The following OXCT1 variants were observed in gnomAD, a reference collection of about 807,000 sequenced individuals.
OXCT1 encodes the protein succinyl-CoA:3-ketoacid coenzyme A transferase 1, mitochondrial.
OXCT1 carries 27 observed loss-of-function variants against 69.6 expected under a neutral mutation model. The ratio of observed to expected loss-of-function variants is 0.39; its 90% CI spans 0.29 to 0.54. OXCT1 has a LOEUF of 0.54. Ranked by LOEUF, OXCT1 falls within the 20% of genes least tolerant of loss-of-function variation. The pLI is 0.72. For missense variants in OXCT1, 437 were observed against 650.2 expected (o/e 0.67, Z 3.57); for synonymous variants, 202 against 217.8 (o/e 0.93, Z 0.64).
Position 41,833,808 on chromosome 5 carries a change from C to T in OXCT1, c.732+6643G>A, listed in dbSNP as rs541299096. Among the ~76,000 whole-genome samples the T allele has an allele frequency of 5.9e-5, 9 of 151,924 alleles. No homozygotes were observed. In the South Asian group the frequency reaches 1.7e-3, roughly 28 times the overall value. On this transcript the variant is annotated intron_variant, in intron 7 of 16. Transcript: ENST00000196371. ...GATGCAGTGGCTCATGCCTGTAATC[C>T]CTGCACTTTTGGGAGGCCGAGGTGG...
intron 4 of OXCT1, among the ~76,000 whole-genome samples, chr5:41,853,098 T>C (rs2112448787): frequency 6.6e-6 from 1 of 152,204 alleles, no homozygotes; most frequent in Middle Eastern, 3.4e-3. Context: ...TAAATTCCTA[T>C]AAATTAACTT....
At chr5:41,739,214 A>C (rs1743036857) in intron 16 of OXCT1, among the ~76,000 whole-genome samples, 176 bp downstream of exon 16, 1 of 152,154 alleles carries the variant, frequency 6.6e-6, no homozygotes, top group African/African-American at 2.4e-5. Context: ...AGTGAGTCAG[A>C]GCACAGCTCT....
chr5:41,784,774 G>C (rs531786057), intron 13 of OXCT1, among the ~76,000 whole-genome samples: 1 of 152,188 alleles, frequency 6.6e-6, no homozygotes, highest in Non-Finnish European at 1.5e-5. Context: ...AGTGACATGT[G>C]CTTAATAATT....
intron 5 of OXCT1, among the ~76,000 whole-genome samples, chr5:41,847,810 C>T (rs1452606043): frequency 6.6e-6 from 1 of 150,876 alleles, no homozygotes; most frequent in Non-Finnish European, 1.5e-5. Flanking sequence ...ATGACAAACC[C>T]ACAGCCAATA....
At chr5:41,800,111 A>G (rs780637742) in intron 11 of OXCT1, among the ~76,000 whole-genome samples, 6 of 152,126 alleles carry the variant, frequency 3.9e-5, no homozygotes, top group Non-Finnish European at 7.4e-5. Flanking sequence ...AAGATGGCCA[A>G]AAGACCTGAC....
chr5:41,785,135 T>C (rs1437975452), intron 13 of OXCT1, among the ~76,000 whole-genome samples: 2 of 152,208 alleles, frequency 1.3e-5, no homozygotes, highest in East Asian at 1.9e-4. Context: ...AAAAAATGCA[T>C]GCCCATTTGT....
intron 13 of OXCT1, among the ~76,000 whole-genome samples, chr5:41,784,079 T>A (rs925724117): frequency 6.6e-6 from 1 of 152,216 alleles, no homozygotes; most frequent in Non-Finnish European, 1.5e-5. Context: ...TTAATCTTTT[T>A]AAAAATTATC....
chr5:41,849,037 G>A (rs3926618), intron 5 of OXCT1, among the ~76,000 whole-genome samples: 27,747 of 152,000 alleles, frequency 0.18, 2,741 homozygotes, highest in Middle Eastern at 0.28. Context: ...CCTACTCTTC[G>A]GACAAAGGGC....
At chr5:41,747,610 T>C (rs1028785122) in intron 15 of OXCT1, among the ~76,000 whole-genome samples, 1 of 151,914 alleles carries the variant, frequency 6.6e-6, no homozygotes, top group Non-Finnish European at 1.5e-5. Context: ...TAGGGAAGAT[T>C]AGCTAGATGG....
intron 15 of OXCT1, among the ~76,000 whole-genome samples, chr5:41,742,393 T>G (rs1743212433): frequency 6.6e-6 from 1 of 152,226 alleles, no homozygotes; most frequent in Admixed American, 6.5e-5. Context: ...AAATGTTAAT[T>G]ACTTTATCAC....
At chr5:41,732,859 T>G (rs1171558055) in intron 16 of OXCT1, among the ~76,000 whole-genome samples, 1 of 152,220 alleles carries the variant, frequency 6.6e-6, no homozygotes, top group Non-Finnish European at 1.5e-5. Flanking sequence ...TTTAGTTCAT[T>G]TATAAATGTC....
At position 41,840,505 on chromosome 5, in the gene OXCT1, A is replaced by G. The variant is rs762537062; in HGVS notation, c.678T>C (p.Ser226=). Residue 226 remains serine, a synonymous_variant, in exon 7 of 17, where the codon AGT becomes AGC. Coordinates refer to ENST00000196371, the MANE Select transcript of OXCT1 (RefSeq NM_000436.4). ...DRAGNVIFRK[S]ARNFNLPMCK... The stretch of plus-strand genomic sequence containing the variant: ...ACATTGGCAAGTTGAAATTCCTTGC[A>G]CTTTTCCTACAGGGGTGGAGGAGAT... The G allele has an allele frequency of 1.2e-6, 2 of 1,612,342 alleles. No individual in the cohort carries two copies. The highest frequency in any genetic ancestry group is 1.7e-5 in the Admixed American group (1 of 59,998).
At chr5:41,827,398 T>G (rs1747858683) in intron 7 of OXCT1, among the ~76,000 whole-genome samples, 1 of 152,172 alleles carries the variant, frequency 6.6e-6, no homozygotes, top group African/African-American at 2.4e-5. Flanking sequence ...CTATGTCAGT[T>G]TTCTCATTTA....
chr5:41,799,962 G>A (rs1005974657), intron 11 of OXCT1, among the ~76,000 whole-genome samples: 1 of 152,110 alleles, frequency 6.6e-6, no homozygotes. Flanking sequence ...AAGAATAATA[G>A]TTTTGCGGGG....
chr5:41,807,495 A>AT, intron 7 of OXCT1, 57 bp from the exon 8 acceptor site: 1 of 996,946 alleles, frequency 1.0e-6, no homozygotes, highest in Non-Finnish European at 1.6e-6. Context: ...AACATTTTTA[A>AT]TTTTTTAAAA....
chr5:41,779,442 C>G (rs979722709), intron 13 of OXCT1, among the ~76,000 whole-genome samples: 3 of 152,122 alleles, frequency 2.0e-5, no homozygotes, highest in African/African-American at 7.2e-5. Context: ...CCATACTGTA[C>G]AAGCACATAT....
rs995344802 is a variant in OXCT1, at chr5:41,819,233, A to AT, written c.733-11796dup. On this transcript the variant is annotated intron_variant, in intron 7 of 16. Coordinates refer to ENST00000196371, the MANE Select transcript of OXCT1 (RefSeq NM_000436.4). ...CCATGTCATTCTTTGTATTAAGATA[A>AT]TTTTTTTTTAGGAGAACATCCCCTC... Among the ~76,000 whole-genome samples the AT allele has an allele frequency of 5.3e-5, 8 of 151,432 alleles. No individual in the cohort carries two copies. In the South Asian group the frequency reaches 6.3e-4, roughly 12 times the overall value.
intron 13 of OXCT1, among the ~76,000 whole-genome samples, chr5:41,767,690 A>G (rs1744671809): frequency 7.0e-6 from 1 of 142,434 alleles, no homozygotes. Context: ...TGTCTACTAT[A>G]TATCTATCTA....
chr5:41,786,003 G>A (rs1444066167), intron 13 of OXCT1, among the ~76,000 whole-genome samples: 5 of 152,278 alleles, frequency 3.3e-5, no homozygotes, highest in Non-Finnish European at 7.4e-5. Context: ...GGAGGCAGTA[G>A]AAGAAATGTG....
Sources: allele counts gnomAD v4.1 joint callset (sites outside exome capture counted in the v4.1 genomes callset), GRCh38; gene constraint gnomAD v4.1.1; transcripts MANE v1.5; gene names NCBI Gene and HGNC (gene_info 2026-07-23, HGNC 2026-07-21).